The following CFAP299 variants were observed in gnomAD, a reference collection of about 807,000 sequenced individuals.
CFAP299 encodes the protein cilia and flagella associated protein 299.
In CFAP299, 21 loss-of-function variants were observed where a neutral mutation model predicts 27.0. The ratio of observed to expected loss-of-function variants is 0.78; its 90% CI spans 0.55 to 1.12. The LOEUF is 1.12. Among genes scored for constraint, CFAP299 ranks in the 50% most tolerant of loss-of-function variants. The pLI is 0.00. For synonymous variants in CFAP299, 104 were observed against 98.1 expected (o/e 1.06, Z -0.36); for missense variants, 310 against 276.6 (o/e 1.12, Z -0.86).
chr4:80,574,092 A>G (rs928287309), intron 2 of CFAP299, among the ~76,000 whole-genome samples: 2 of 152,110 alleles, frequency 1.3e-5, no homozygotes. Flanking sequence ...ATCCATGAAC[A>G]TGGTATATTG....
At chr4:80,685,053 A>G (rs971639739) in intron 3 of CFAP299, among the ~76,000 whole-genome samples, 1 of 152,300 alleles carries the variant, frequency 6.6e-6, no homozygotes, top group Admixed American at 6.5e-5. Flanking sequence ...GAAAATTTGG[A>G]TCTGGATGCT....
chr4:80,702,187 A>C (rs898083154), intron 3 of CFAP299, among the ~76,000 whole-genome samples: 1 of 151,848 alleles, frequency 6.6e-6, no homozygotes, highest in South Asian at 2.1e-4. Flanking sequence ...CTAGATACCA[A>C]GGTTAAGAAG....
chr4:80,329,219 A>G, the CFAP299 span, among the ~76,000 whole-genome samples: 1 of 148,578 alleles, frequency 6.7e-6, no homozygotes, highest in East Asian at 1.9e-4. Flanking sequence ...ATATATATAT[A>G]TATATATATA....
intron 3 of CFAP299, among the ~76,000 whole-genome samples, chr4:80,717,151 A>C (rs1417565316): frequency 6.6e-6 from 1 of 152,126 alleles, no homozygotes; most frequent in Non-Finnish European, 1.5e-5. Context: ...TCAGGAAGAA[A>C]TATAACCACA....
At chr4:80,628,647 C>T (rs939404803) in intron 3 of CFAP299, among the ~76,000 whole-genome samples, 13 of 152,094 alleles carry the variant, frequency 8.5e-5, no homozygotes, top group African/African-American at 3.1e-4. Flanking sequence ...AGAAGGCAAA[C>T]TATTCAATAA....
chr4:80,403,909 G>A (rs575792778), intron 2 of CFAP299, among the ~76,000 whole-genome samples: 1 of 152,254 alleles, frequency 6.6e-6, no homozygotes, highest in African/African-American at 2.4e-5. Flanking sequence ...GAGAGTGCCA[G>A]TTTTTATATG....
intron 3 of CFAP299, among the ~76,000 whole-genome samples, chr4:80,822,402 G>A (rs553632272): frequency 7.9e-5 from 12 of 152,138 alleles, no homozygotes; most frequent in Non-Finnish European, 1.0e-4. Context: ...GATAGATCAA[G>A]GGTAATATAT....
intron 2 of CFAP299, among the ~76,000 whole-genome samples, chr4:80,558,691 G>A (rs1293820430): frequency 1.3e-5 from 2 of 151,194 alleles, no homozygotes; most frequent in Non-Finnish European, 2.9e-5. Flanking sequence ...AAAAAAAAAA[G>A]GAAAACTTCT....
chr4:80,943,657 A>G (rs1156963312), intron 4 of CFAP299, among the ~76,000 whole-genome samples: 2 of 152,160 alleles, frequency 1.3e-5, no homozygotes, highest in South Asian at 2.1e-4. Flanking sequence ...AAGATATGTA[A>G]AAATAAGTGT....
intron 3 of CFAP299, among the ~76,000 whole-genome samples, chr4:80,607,283 C>T (rs768054080): frequency 2.6e-5 from 4 of 152,040 alleles, no homozygotes; most frequent in Non-Finnish European, 4.4e-5. Context: ...AAATTTTTCT[C>T]GGTATCTATC....
chr4:80,788,283 G>A (rs920686652), intron 3 of CFAP299, among the ~76,000 whole-genome samples: 5 of 151,910 alleles, frequency 3.3e-5, no homozygotes, highest in African/African-American at 4.8e-5. Flanking sequence ...CTAACTCTGC[G>A]TAAGCCATCA....
chr4:80,951,136 T>C (rs1197731689), intron 5 of CFAP299, among the ~76,000 whole-genome samples: 1 of 152,202 alleles, frequency 6.6e-6, no homozygotes, highest in Non-Finnish European at 1.5e-5. Flanking sequence ...AGATCTCTTT[T>C]TGTTATCTTA....
Position 80,541,748 on chromosome 4 carries a change from T to A in CFAP299, c.243-41345T>A, listed in dbSNP as rs1196928420. 2.6e-5 allele frequency among the ~76,000 whole-genome samples: 4 copies of A among 152,116 alleles called. No individual in the cohort carries two copies. In the East Asian group the frequency reaches 7.7e-4, roughly 29 times the overall value. On this transcript the variant is annotated intron_variant, in intron 2 of 5. Coordinates refer to ENST00000358105, the MANE Select transcript of CFAP299 (RefSeq NM_152770.3). Reference sequence around the variant, plus strand: ...ACTAGATTCAGCTTAGTGAGGAGAATAGACATTTAATAATTAAACACAAAG... The same window carrying A: ...ACTAGATTCAGCTTAGTGAGGAGAAAAGACATTTAATAATTAAACACAAAG...
intron 3 of CFAP299, among the ~76,000 whole-genome samples, chr4:80,775,063 TA>T (rs1405653843): frequency 7.4e-6 from 1 of 135,794 alleles, no homozygotes; most frequent in East Asian, 2.0e-4. Flanking sequence ...AATAATAAAA[TA>T]AAAAAATAAA....
At chr4:80,636,487 CT>C (rs1343840417) in intron 3 of CFAP299, among the ~76,000 whole-genome samples, 11 of 152,288 alleles carry the variant, frequency 7.2e-5, no homozygotes, top group African/African-American at 2.6e-4. Context: ...AGTCAAAGGA[CT>C]GCTCAAGTGA....
At chr4:80,918,570 G>C (rs552455625) in intron 4 of CFAP299, among the ~76,000 whole-genome samples, 1 of 152,008 alleles carries the variant, frequency 6.6e-6, no homozygotes, top group Admixed American at 6.6e-5. Context: ...GAACATACAC[G>C]TATTTGTGTA....
At chr4:80,801,236 T>C (rs1728577785) in intron 3 of CFAP299, among the ~76,000 whole-genome samples, 1 of 152,060 alleles carries the variant, frequency 6.6e-6, no homozygotes. Context: ...TATTTAACAA[T>C]TTAAGAACAC....
intron 3 of CFAP299, among the ~76,000 whole-genome samples, chr4:80,793,923 G>T (rs372867535): frequency 2.0e-5 from 3 of 152,132 alleles, no homozygotes; most frequent in Admixed American, 1.3e-4. Context: ...AAGCACCTCA[G>T]AAAGTTGTGT....
chr4:80,584,227 G>T (rs114920847), intron 3 of CFAP299, among the ~76,000 whole-genome samples: 2 of 152,066 alleles, frequency 1.3e-5, no homozygotes, highest in South Asian at 4.1e-4. Flanking sequence ...GAGCTATTAC[G>T]AATGCATTTT....
Sources: gnomAD v4.1 joint callset for allele counts (sites outside exome capture counted in the v4.1 genomes callset) on GRCh38, gnomAD v4.1.1 for gene constraint, MANE v1.5 for transcripts, NCBI Gene and HGNC (gene_info 2026-07-23, HGNC 2026-07-21) for gene names.